The following LRRC38 variants were observed in gnomAD, a reference collection of about 807,000 sequenced individuals.
The protein encoded by LRRC38 is leucine-rich repeat-containing protein 38.
A neutral mutation model predicts 16.4 loss-of-function variants in LRRC38; 5 were observed. The ratio of observed to expected loss-of-function variants is 0.31; its 90% CI spans 0.16 to 0.64. LRRC38 has a LOEUF of 0.64. LRRC38 is among the 30% of genes least tolerant of loss of function. LRRC38 has a pLI of 0.80. For missense variants in LRRC38, 341 were observed against 401.8 expected (o/e 0.85, Z 1.29); for synonymous variants, 191 against 190.2 (o/e 1.00, Z -0.04).
At chr1:13,495,018 G>A (rs1317473786) in intron 1 of LRRC38, among the ~76,000 whole-genome samples, 1 of 152,206 alleles carries the variant, frequency 6.6e-6, no homozygotes, top group African/African-American at 2.4e-5. Context: ...GGGAAGCTAA[G>A]TTTGGCTCAG....
chr1:13,512,928 T>TCCCCCCC lies in LRRC38; in HGVS notation c.631+34_631+35insGGGGGGG. On this transcript the variant is annotated intron_variant, in intron 1 of 1. Transcript: ENST00000376085. ...CTGGGGTGGCCTCTCCCTGCCCCCC[T>TCCCCCCC]CCCTCCCTCCCCCAGCCTAGCCGGC... The TCCCCCCC allele has an allele frequency of 9.9e-5, 43 of 435,432 alleles. 1 individual carries two copies. Among genetic ancestry groups the TCCCCCCC allele is most frequent in the South Asian group, 3.8e-4 (11 of 29,162 alleles). The allele number at this position is 435,432 out of a possible 1,614,324, so 27.0% of individuals were successfully genotyped here.
chr1:13,496,539 T>C (rs1331238765), intron 1 of LRRC38, among the ~76,000 whole-genome samples: 3 of 152,082 alleles, frequency 2.0e-5, no homozygotes, highest in Non-Finnish European at 4.4e-5. Context: ...AAGAACCAGT[T>C]TACCATACTG....
rs1396200810 is a variant in LRRC38 at position 13,513,479 on chromosome 1, T to C, written c.115A>G (p.Thr39Ala). 4 of 1,541,788 alleles carry C rather than the reference T, an allele frequency of 2.6e-6. No individual in the cohort carries two copies. The highest frequency in any genetic ancestry group is 3.5e-6 in the Non-Finnish European group (4 of 1,142,730). Residue 39 changes from threonine (T) to alanine (A), a missense_variant, in exon 1 of 2, where the codon ACC (threonine) becomes GCC (alanine). By Grantham distance (58) the Thr-to-Ala change is moderately conservative (BLOSUM62 0). Coordinates refer to ENST00000376085, the MANE Select transcript of LRRC38 (RefSeq NM_001010847.2). ...PAGCACTDPH[T>A]VDCRDRGLPS... is the part of the protein sequence containing the mutation. ...AGCCCGCGGTCGCGGCAGTCCACGGTGTGCGGGTCGGTGCAGGCGCAGCCC... is the reference window on the plus strand; with the variant it reads ...AGCCCGCGGTCGCGGCAGTCCACGGCGTGCGGGTCGGTGCAGGCGCAGCCC...
At chr1:13,492,761 T>C (rs765567923) in intron 1 of LRRC38, among the ~76,000 whole-genome samples, 7 of 152,182 alleles carry the variant, frequency 4.6e-5, no homozygotes, top group Non-Finnish European at 8.8e-5. Context: ...TGACACTCTA[T>C]GAATTCTTCT....
At chr1:13,485,231 C>T (rs1199788135) in intron 1 of LRRC38, among the ~76,000 whole-genome samples, 1 of 144,200 alleles carries the variant, frequency 6.9e-6, no homozygotes, top group Non-Finnish European at 1.5e-5. Context: ...GAGCCAAGAT[C>T]GCGCCATTGT....
intron 1 of LRRC38, among the ~76,000 whole-genome samples, chr1:13,494,196 CAAT>C (rs1324924203): frequency 6.6e-6 from 1 of 152,212 alleles, no homozygotes. Context: ...CTAGGTTGCA[CAAT>C]GAGTCAGTGA....
chr1:13,510,808 G>C (rs1639265747), intron 1 of LRRC38, among the ~76,000 whole-genome samples: 1 of 152,206 alleles, frequency 6.6e-6, no homozygotes, highest in Admixed American at 6.5e-5. Context: ...AAGAAACTGA[G>C]GCTTGGAGAG....
In LRRC38 at chr1:13,513,569, C is replaced by T. The variant is rs1274595130; in HGVS notation, c.25G>A (p.Ala9Thr). ...CTGCAGAGCCCGAGCGCCGCGGCGGCGCAGGCTGGGGCTCGGGGGCGCATG... is the reference window on the plus strand; with the variant it reads ...CTGCAGAGCCCGAGCGCCGCGGCGGTGCAGGCTGGGGCTCGGGGGCGCATG... The part of the protein sequence containing the change: MRPRAPAC[A>T]AAALGLCSLL... The change falls in exon 1 of 2, where the codon GCC becomes ACC. Residue 9 changes from alanine (A) to threonine (T), a missense_variant. By Grantham distance (58) the Ala-to-Thr change is moderately conservative (BLOSUM62 0). Coordinates refer to ENST00000376085, the MANE Select transcript of LRRC38 (RefSeq NM_001010847.2). The T allele has an allele frequency of 8.3e-6, 10 of 1,211,028 alleles. No individual in the cohort carries two copies. The highest frequency in any genetic ancestry group is 3.2e-4 in the Middle Eastern group (1 of 3,104). The allele number at this position is 1,211,028 out of a possible 1,614,324, so 75.0% of individuals were successfully genotyped here. A position where few individuals can be genotyped will look rare whatever the true frequency, so the allele number is the denominator to read the frequency against.
chr1:13,485,005 C>T (rs778593712), intron 1 of LRRC38, among the ~76,000 whole-genome samples: 15 of 152,204 alleles, frequency 9.9e-5, no homozygotes, highest in African/African-American at 2.9e-4. Flanking sequence ...AGGCCAGGCA[C>T]GGTGGCTCAC....
rs866191720 is a variant in LRRC38, at chr1:13,483,944, C to T, written c.632-7845G>A. 3.1e-3 allele frequency among the ~76,000 whole-genome samples: 256 copies of T among 82,846 alleles called. 1 individual carries two copies. The highest frequency in any genetic ancestry group is 0.011 in the African/African-American group (238 of 21,826). The allele number at this position is 82,846 out of a possible 152,430, so 54.4% of individuals were successfully genotyped here. A position where few individuals can be genotyped will look rare whatever the true frequency, so the allele number is the denominator to read the frequency against. ...AGGAGAGGAGTGGGGAGGGGAGGAG[C>T]GGGGAGGGGAGGGGAGAGGAGAGGG... On this transcript the variant is annotated intron_variant, in intron 1 of 1. Coordinates refer to ENST00000376085, the MANE Select transcript of LRRC38 (RefSeq NM_001010847.2).
At chr1:13,481,788 C>CTCTCT (rs1638871506) in intron 1 of LRRC38, among the ~76,000 whole-genome samples, 2 of 34,464 alleles carry the variant, frequency 5.8e-5, no homozygotes, top group East Asian at 3.3e-3. Context: ...TCCCTCTCTC[C>CTCTCT]CTCTCTCTCT....
intron 1 of LRRC38, among the ~76,000 whole-genome samples, chr1:13,508,450 A>C (rs80335055): frequency 0.053 from 8,039 of 152,312 alleles, 243 homozygotes; most frequent in East Asian, 0.12. Context: ...ATTTCAAGTT[A>C]AATCCTCCGA....
At chr1:13,484,339 C>G (rs1638906655) in intron 1 of LRRC38, among the ~76,000 whole-genome samples, 1 of 152,082 alleles carries the variant, frequency 6.6e-6, no homozygotes, top group South Asian at 2.1e-4. Flanking sequence ...TTTTCTGTCC[C>G]CCTGCTCCTC....
intron 1 of LRRC38, among the ~76,000 whole-genome samples, chr1:13,502,962 G>T (rs896878844): frequency 2.0e-5 from 3 of 152,178 alleles, no homozygotes; most frequent in Admixed American, 6.5e-5. Context: ...ATAACTCAAG[G>T]AGGGAAGTAT....
intron 1 of LRRC38, among the ~76,000 whole-genome samples, chr1:13,480,960 T>C (rs943729717): frequency 7.9e-5 from 12 of 152,266 alleles, no homozygotes; most frequent in Non-Finnish European, 1.6e-4. Context: ...GCCCAGCCAT[T>C]AGGTGGCTAT....
rs1187290183 is a variant in LRRC38, at chr1:13,486,779, C to T, written c.632-10680G>A. On this transcript the variant is annotated intron_variant, in intron 1 of 1. Coordinates refer to ENST00000376085, the MANE Select transcript of LRRC38 (RefSeq NM_001010847.2). ...CTAATTTTTGTATTTTTAGTAGAGA[C>T]GAGATTTCGCCATGTTGCCCAGGCT... is the stretch of plus-strand genomic sequence containing the variant. Among the ~76,000 whole-genome samples the T allele has an allele frequency of 5.3e-5, 8 of 151,744 alleles. No individual in the cohort carries two copies. In the East Asian group the frequency reaches 1.4e-3, roughly 26 times the overall value.
intron 1 of LRRC38, among the ~76,000 whole-genome samples, chr1:13,497,584 G>A (rs1164844815): frequency 5.3e-5 from 8 of 151,670 alleles, no homozygotes; most frequent in Non-Finnish European, 1.2e-4. Flanking sequence ...CTCTCTGGGG[G>A]AATCACTCCA....
intron 1 of LRRC38, among the ~76,000 whole-genome samples, chr1:13,483,826 T>G (rs1337089545): frequency 6.6e-6 from 1 of 152,060 alleles, no homozygotes; most frequent in African/African-American, 2.4e-5. Context: ...ATTGTTCAGA[T>G]TTTTGAAGTT....
chr1:13,513,281 T>G lies in LRRC38; in HGVS notation c.313A>C (p.Lys105Gln). 2 of 1,550,480 alleles carry G rather than the reference T, an allele frequency of 1.3e-6. No homozygotes were observed. The highest frequency in any genetic ancestry group is 2.4e-5 in the South Asian group (2 of 84,052). ...LEEGTFSGSA[K>Q]LVFLDLSYNN... ...TAGCTGAGGTCGAGGAACACGAGCTTGGCCGAGCCGCTGAACGTGCCCTCC... is the reference window on the plus strand; with the variant it reads ...TAGCTGAGGTCGAGGAACACGAGCTGGGCCGAGCCGCTGAACGTGCCCTCC... Residue 105 changes from lysine (K) to glutamine (Q), a missense_variant, in exon 1 of 2, where the codon AAG becomes CAG. Transcript: ENST00000376085.
Sources: gnomAD v4.1 joint callset for allele counts (sites outside exome capture counted in the v4.1 genomes callset) on GRCh38, gnomAD v4.1.1 for gene constraint, MANE v1.5 for transcripts, NCBI Gene and HGNC (gene_info 2026-07-23, HGNC 2026-07-21) for gene names.